IGFL4: variants seen among roughly 807,000 people sequenced by gnomAD.
The protein encoded by IGFL4 is insulin growth factor-like family member 4.
Under a neutral mutation model 15.4 loss-of-function variants are expected in IGFL4, and 12 were observed. The ratio of observed to expected loss-of-function variants is 0.78; its 90% CI spans 0.50 to 1.26. The LOEUF (loss-of-function observed/expected upper bound fraction) is 1.26. IGFL4 is among the 50% of genes most tolerant of loss of function. IGFL4 has a pLI of 0.00. For synonymous variants in IGFL4, 54 were observed against 55.9 expected, an observed-to-expected ratio of 0.97 and a Z score of 0.16; for missense variants, 126 against 147.8, an observed-to-expected ratio of 0.85 and a Z score of 0.76.
intron 1 of IGFL4, among the ~76,000 whole-genome samples, chr19:46,063,537 A>G (rs1969466415): frequency 6.6e-6 from 1 of 152,202 alleles, no homozygotes; most frequent in African/African-American, 2.4e-5. Context: ...TGGTATTTCA[A>G]TAATTATCCT....
chr19:46,049,832 G>A (rs935606821), intron 2 of IGFL4, among the ~76,000 whole-genome samples: 1 of 152,146 alleles, frequency 6.6e-6, no homozygotes, highest in Non-Finnish European at 1.5e-5. Context: ...TCTTAAAAGC[G>A]CCACCTCCTG....
intron 2 of IGFL4, among the ~76,000 whole-genome samples, chr19:46,049,956 G>A (rs1459094226): frequency 6.6e-6 from 1 of 152,200 alleles, no homozygotes; most frequent in Non-Finnish European, 1.5e-5. Context: ...TGGTATCCAC[G>A]GTTGAGAGAC....
At chr19:46,042,624 A>T (rs1969257431), upstream of IGFL4, among the ~76,000 whole-genome samples, 1 of 152,248 alleles carries the variant, frequency 6.6e-6, no homozygotes, top group Non-Finnish European at 1.5e-5. Context: ...AGCTCTTTTT[A>T]GATTCAGACA....
intron 2 of IGFL4, among the ~76,000 whole-genome samples, chr19:46,047,053 T>C (rs1481175832): frequency 6.6e-5 from 10 of 152,170 alleles, no homozygotes; most frequent in Admixed American, 6.5e-4. Context: ...ACAAACAGTC[T>C]CTCAGACCAC....
intron 2 of IGFL4, among the ~76,000 whole-genome samples, chr19:46,053,348 G>A (rs1165464894): frequency 1.3e-5 from 2 of 152,106 alleles, no homozygotes; most frequent in East Asian, 1.9e-4. Context: ...CCGAGTAGCT[G>A]GGATTACAGG....
chr19:46,071,507 A>G (rs1165519075), intron 1 of IGFL4, among the ~76,000 whole-genome samples: 2 of 152,212 alleles, frequency 1.3e-5, no homozygotes, highest in African/African-American at 4.8e-5. Context: ...CAAATAAATA[A>G]TCTTCATTGA....
At chr19:46,053,083 G>C (rs1600672779) in intron 2 of IGFL4, among the ~76,000 whole-genome samples, 1 of 152,052 alleles carries the variant, frequency 6.6e-6, no homozygotes, top group African/African-American at 2.4e-5. Flanking sequence ...TGTATAATTG[G>C]GGATAGGCAA....
chr19:46,065,386 G>A (rs1969485375), intron 1 of IGFL4, among the ~76,000 whole-genome samples: 2 of 152,162 alleles, frequency 1.3e-5, no homozygotes, highest in African/African-American at 4.8e-5. Flanking sequence ...GCAGCGGCGT[G>A]ATCTCACTCA....
intron 2 of IGFL4, among the ~76,000 whole-genome samples, chr19:46,052,544 A>G (rs1969354860): frequency 6.6e-6 from 1 of 152,156 alleles, no homozygotes; most frequent in African/African-American, 2.4e-5. Context: ...CAACATGGTG[A>G]AACCCCATCT....
chr19:46,065,429 C>A (rs1969485883), intron 1 of IGFL4, among the ~76,000 whole-genome samples: 3 of 152,336 alleles, frequency 2.0e-5, no homozygotes, highest in African/African-American at 7.2e-5. Flanking sequence ...TCAAGTGATT[C>A]TCCCAAGTAG....
chr19:46,054,794 G>T (rs1969378472), intron 2 of IGFL4, among the ~76,000 whole-genome samples: 1 of 152,176 alleles, frequency 6.6e-6, no homozygotes, highest in African/African-American at 2.4e-5. Flanking sequence ...AAAACAGTGA[G>T]TAGCCTAGAG....
upstream of IGFL4, among the ~76,000 whole-genome samples, chr19:46,041,695 C>A (rs1306220473): frequency 6.6e-6 from 1 of 151,918 alleles, no homozygotes; most frequent in African/African-American, 2.4e-5. Flanking sequence ...CATGCCCCTC[C>A]ATTTTCCACT....
chr19:46,051,033 G>A (rs150306396), intron 2 of IGFL4, among the ~76,000 whole-genome samples: 39 of 152,244 alleles, frequency 2.6e-4, no homozygotes, highest in Middle Eastern at 3.4e-3. Context: ...CTTAAACAAC[G>A]CAATTATCAG....
intron 2 of IGFL4, among the ~76,000 whole-genome samples, chr19:46,056,987 A>G (rs777242613): frequency 2.0e-5 from 3 of 152,116 alleles, no homozygotes; most frequent in Non-Finnish European, 4.4e-5. Flanking sequence ...AAAGGCTGTT[A>G]TTTTCTTCCT....
At chr19:46,067,187 A>G (rs1263821157) in intron 1 of IGFL4, among the ~76,000 whole-genome samples, 3 of 152,220 alleles carry the variant, frequency 2.0e-5, no homozygotes, top group African/African-American at 4.8e-5. Context: ...ACCTTTAGTA[A>G]GGATGATCCC....
intron 2 of IGFL4, among the ~76,000 whole-genome samples, chr19:46,055,179 T>G (rs1969381578): frequency 6.6e-6 from 1 of 152,232 alleles, no homozygotes; most frequent in Non-Finnish European, 1.5e-5. Context: ...GCACCTCATG[T>G]AAAGTAACAT....
upstream of IGFL4, among the ~76,000 whole-genome samples, chr19:46,043,562 T>C (rs566079926): frequency 1.3e-5 from 2 of 152,308 alleles, no homozygotes; most frequent in East Asian, 3.9e-4. Flanking sequence ...GCTACACTAA[T>C]GAAGACAGTA....
chr19:46,048,497 A>G (rs938794523), intron 2 of IGFL4, among the ~76,000 whole-genome samples: 3 of 152,304 alleles, frequency 2.0e-5, no homozygotes, highest in East Asian at 3.9e-4. Context: ...TTGCAGATAC[A>G]TAATCCTATA....
chr19:46,077,501 A>C (rs1969621574), upstream of IGFL4, among the ~76,000 whole-genome samples: 1 of 152,234 alleles, frequency 6.6e-6, no homozygotes, highest in South Asian at 2.1e-4. This position sits in a 1 kb window ranked among gnomAD's most constrained non-coding sequence, Gnocchi z 5.4. Flanking sequence ...AGTATCATTC[A>C]GGAAGTGGAC....
Sources: allele counts gnomAD v4.1 joint callset (sites outside exome capture counted in the v4.1 genomes callset), GRCh38; gene constraint gnomAD v4.1.1; non-coding constraint Gnocchi (gnomAD v3.1); transcripts MANE v1.5; gene names NCBI Gene and HGNC (gene_info 2026-07-23, HGNC 2026-07-21).